The following CENPM variants were observed in gnomAD, a reference collection of about 807,000 sequenced individuals.
The protein encoded by CENPM is interphase centromere complex protein 39.
In CENPM, 14 loss-of-function variants were observed where a neutral mutation model predicts 19.6. The ratio of observed to expected loss-of-function variants is 0.71; its 90% confidence interval spans 0.47 to 1.11. CENPM has a LOEUF of 1.11. Ranked by LOEUF, CENPM falls within the 50% of genes most tolerant of loss-of-function variation. The probability of loss-of-function intolerance (pLI) is 0.00; values close to 1 mark genes in which losing one functional copy is unlikely to be tolerated. For synonymous variants in CENPM, 114 were observed against 101.5 expected, an observed-to-expected ratio of 1.12 and a Z score of -0.74; for missense variants, 239 against 228.4, an observed-to-expected ratio of 1.05 and a Z score of -0.30.
At chr22:41,945,634 G>T (rs1391955922) in intron 3 of CENPM, among the ~76,000 whole-genome samples, 1 of 151,870 alleles carries the variant, frequency 6.6e-6, no homozygotes, top group Non-Finnish European at 1.5e-5. Flanking sequence ...TATTTTAGTA[G>T]AGACGGGGTT....
At chr22:41,946,373 G>C in intron 2 of CENPM, 44 bp downstream of exon 2, 1 of 1,534,760 alleles carries the variant, frequency 6.5e-7, no homozygotes. Flanking sequence ...AATCCCTCTG[G>C]AGTGAGAGAC....
the CENPM span, among the ~76,000 whole-genome samples, chr22:41,930,265 T>C: frequency 1.3e-5 from 2 of 151,444 alleles, no homozygotes; most frequent in Admixed American, 1.3e-4. Context: ...AGTCTGGCTC[T>C]GTCACCCAGG....
intron 1 of CENPM, 125 bp downstream of exon 1, chr22:41,946,895 T>C (rs1383772422): frequency 1.1e-5 from 10 of 950,756 alleles, no homozygotes; most frequent in Non-Finnish European, 1.7e-5. Context: ...GCTCTCCGCC[T>C]ATTCCCCGCC....
intron 5 of CENPM, among the ~76,000 whole-genome samples, chr22:41,941,961 G>A (rs1488052319): frequency 5.3e-5 from 8 of 152,176 alleles, no homozygotes; most frequent in Non-Finnish European, 1.5e-5. Context: ...GCCACAGACT[G>A]CTATCCTCTG....
downstream of CENPM, among the ~76,000 whole-genome samples, chr22:41,937,394 C>T (rs975267694): frequency 2.6e-5 from 4 of 152,248 alleles, no homozygotes; most frequent in East Asian, 7.7e-4. Flanking sequence ...CTCCTGGGTT[C>T]AAGCAATTTT....
intron 2 of CENPM, 189 bp from the exon 3 acceptor site, chr22:41,946,194 C>T: frequency 1.5e-6 from 1 of 656,794 alleles, no homozygotes; most frequent in Non-Finnish European, 2.7e-6. Context: ...ATTCAGATTA[C>T]TCCTGTCTGA....
At chr22:41,931,786 C>G in the CENPM span, among the ~76,000 whole-genome samples, 1 of 152,172 alleles carries the variant, frequency 6.6e-6, no homozygotes, top group Non-Finnish European at 1.5e-5. Flanking sequence ...GGGGATGGGA[C>G]AAGCACAGTG....
At chr22:41,946,028 ACTCAAGATATCCGTAC>A (rs1392634131) in intron 2 of CENPM, 23 bp from the exon 3 acceptor site, 1 of 1,592,340 alleles carries the variant, frequency 6.3e-7, no homozygotes, top group Non-Finnish European at 8.6e-7. Flanking sequence ...AAATTGCAGG[ACTCAAGATATCCGTAC>A]CCCCCTCATA....
Position 41,946,398 on chromosome 22 carries a change from C to CTGTA in CENPM, c.137+18_137+19insTACA. 6.2e-7 allele frequency: 1 copy of CTGTA among 1,609,596 alleles called. No individual in the cohort carries two copies. Reference sequence around the variant, plus strand: ...GAGTGAGAGACACGTGGGCCCAGGCCACAGCCGCGGCTACTTACACCTTCA... The same window carrying CTGTA: ...GAGTGAGAGACACGTGGGCCCAGGCCTGTAACAGCCGCGGCTACTTACACCTTCA... On this transcript the variant is annotated intron_variant, in intron 2 of 5. Transcript: ENST00000215980.
intron 5 of CENPM, among the ~76,000 whole-genome samples, chr22:41,941,729 C>T (rs6002550): frequency 0.075 from 11,454 of 152,278 alleles, 1,416 homozygotes; most frequent in African/African-American, 0.26. Flanking sequence ...TCAGGTGTGC[C>T]CAGGCCTCAG....
the CENPM span, among the ~76,000 whole-genome samples, chr22:41,932,816 C>T: frequency 5.3e-5 from 8 of 152,312 alleles, no homozygotes; most frequent in East Asian, 7.7e-4. This position sits in a 1 kb window ranked among gnomAD's most constrained non-coding sequence, Gnocchi z 4.3. Context: ...CAGGGTACCA[C>T]GCAGGAAGGC....
At chr22:41,929,492 G>T in the CENPM span, among the ~76,000 whole-genome samples, 2 of 152,280 alleles carry the variant, frequency 1.3e-5, no homozygotes, top group Admixed American at 6.5e-5. Context: ...CCAGGTCTGC[G>T]TTTCACAGCA....
chr22:41,939,792 GAAAGAAAAA>G (rs1254691392), intron 5 of CENPM, among the ~76,000 whole-genome samples: 76 of 105,250 alleles, frequency 7.2e-4, no homozygotes, highest in Non-Finnish European at 1.0e-3. Flanking sequence ...GAAAGAAAAA[GAAAGAAAAA>G]GAAAGAAAAA....
downstream of CENPM, among the ~76,000 whole-genome samples, chr22:41,936,930 C>T (rs1192783515): frequency 6.6e-6 from 1 of 151,912 alleles, no homozygotes; most frequent in African/African-American, 2.4e-5. Context: ...CCACACCCCA[C>T]CAACCAAAAA....
At chr22:41,946,600 AG>A in intron 1 of CENPM, 104 bp from the exon 2 acceptor site, 1 of 937,756 alleles carries the variant, frequency 1.1e-6, no homozygotes, top group South Asian at 1.5e-5. Flanking sequence ...CACCGCCAGC[AG>A]GCGGCTCGGA....
At chr22:41,928,632 C>T in the CENPM span, among the ~76,000 whole-genome samples, 3 of 152,026 alleles carry the variant, frequency 2.0e-5, no homozygotes, top group African/African-American at 4.8e-5. This position sits in a 1 kb window ranked among gnomAD's most constrained non-coding sequence, Gnocchi z 4.0. Context: ...GGGGCTAAGG[C>T]TTGGAGAGAT....
At chr22:41,943,522 A>G (rs2077762028) in intron 5 of CENPM, 88 bp downstream of exon 5, 1 of 1,158,032 alleles carries the variant, frequency 8.6e-7, no homozygotes, top group Non-Finnish European at 1.2e-6. Context: ...AAGTCCTTCG[A>G]TAAGCATTCC....
At chr22:41,946,695 G>A in intron 1 of CENPM, 199 bp from the exon 2 acceptor site, 8 of 600,034 alleles carry the variant, frequency 1.3e-5, no homozygotes, top group Non-Finnish European at 2.4e-5. Context: ...TGTGGGCACC[G>A]CACTCTCTAC....
At chr22:41,946,032 A>G (rs1168396292) in intron 2 of CENPM, 27 bp from the exon 3 acceptor site, 2 of 1,580,712 alleles carry the variant, frequency 1.3e-6, no homozygotes, top group Non-Finnish European at 8.7e-7. Flanking sequence ...TGCAGGACTC[A>G]AGATATCCGT....
Sources: gnomAD v4.1 joint callset for allele counts (sites outside exome capture counted in the v4.1 genomes callset) on GRCh38, gnomAD v4.1.1 for gene constraint, Gnocchi (gnomAD v3.1) non-coding constraint, MANE v1.5 for transcripts, NCBI Gene and HGNC (gene_info 2026-07-23, HGNC 2026-07-21) for gene names.